The following COL14A1 variants were observed in gnomAD, a reference collection of about 807,000 sequenced individuals.
COL14A1 encodes collagen alpha-1(XIV) chain.
A neutral mutation model predicts 230.3 loss-of-function variants in COL14A1; 136 were observed. The observed-to-expected ratio is 0.59, with a 90% CI of 0.51 to 0.68. COL14A1 has a LOEUF of 0.68. Among genes scored for constraint, COL14A1 ranks in the 30% least tolerant of loss-of-function variants. COL14A1 has a pLI of 0.00. For synonymous variants in COL14A1, 792 were observed against 784.1 expected (o/e 1.01, Z -0.17); for missense variants, 1,976 against 2,215.8 (o/e 0.89, Z 2.17).
intron 26 of COL14A1, among the ~76,000 whole-genome samples, chr8:120,275,322 C>T (rs1353391806): frequency 1.3e-5 from 2 of 151,874 alleles, no homozygotes; most frequent in Admixed American, 6.6e-5. Context: ...CTACCTCTCA[C>T]CTTATACAAA....
At chr8:120,253,999 GT>G (rs1290688093) in intron 22 of COL14A1, among the ~76,000 whole-genome samples, 1 of 152,186 alleles carries the variant, frequency 6.6e-6, no homozygotes. Flanking sequence ...AAGAGAGATT[GT>G]TTAATTGGCT....
intron 25 of COL14A1, among the ~76,000 whole-genome samples, chr8:120,269,003 C>G (rs1043848822): frequency 4.6e-5 from 7 of 151,668 alleles, no homozygotes; most frequent in Non-Finnish European, 1.0e-4. Context: ...ATCCTTACTG[C>G]CCCTAAAGTA....
At chr8:120,367,629 A>T (rs1263712062) in intron 46 of COL14A1, among the ~76,000 whole-genome samples, 1 of 152,122 alleles carries the variant, frequency 6.6e-6, no homozygotes, top group Non-Finnish European at 1.5e-5. Flanking sequence ...GTAGCCTCCA[A>T]GAGAAAGAAA....
chr8:120,315,478 A>C, intron 38 of COL14A1, 55 bp from the exon 39 acceptor site: 2 of 1,429,832 alleles, frequency 1.4e-6, no homozygotes. Context: ...AAGGAAAAGA[A>C]AACGCTAAGA....
At chr8:120,194,342 T>C (rs1299334699) in intron 5 of COL14A1, among the ~76,000 whole-genome samples, 1 of 152,222 alleles carries the variant, frequency 6.6e-6, no homozygotes, top group East Asian at 1.9e-4. Flanking sequence ...TATTTCCCTC[T>C]TCTTTTAATT....
intron 31 of COL14A1, among the ~76,000 whole-genome samples, chr8:120,282,971 A>T (rs1402125347): frequency 6.6e-6 from 1 of 152,016 alleles, no homozygotes; most frequent in Non-Finnish European, 1.5e-5. Context: ...TCTGTCTCCC[A>T]TTGGGTTCAG....
intron 1 of COL14A1, among the ~76,000 whole-genome samples, chr8:120,145,440 G>C (rs771361320): frequency 6.6e-6 from 1 of 152,160 alleles, no homozygotes; most frequent in African/African-American, 2.4e-5. Context: ...GCAACATGAT[G>C]AAATCCCGTC....
At chr8:120,256,853 A>G (rs953041674) in intron 23 of COL14A1, among the ~76,000 whole-genome samples, 1 of 152,180 alleles carries the variant, frequency 6.6e-6, no homozygotes, top group African/African-American at 2.4e-5. Flanking sequence ...GTTCTTTTAT[A>G]TGATTTATCC....
intron 19 of COL14A1, among the ~76,000 whole-genome samples, chr8:120,236,950 C>A (rs577443717): frequency 6.6e-6 from 1 of 152,208 alleles, no homozygotes; most frequent in African/African-American, 2.4e-5. Flanking sequence ...TTGGCCCCCA[C>A]GCTCTTCTGG....
rs980456357 is a variant in COL14A1, at chr8:120,372,297, C to A, written c.*1066C>A. On this transcript the variant is annotated 3_prime_UTR_variant, in exon 48 of 48. Transcript: ENST00000297848. ...CAGCAAAGACCCTGCAAATGCATGA[C>A]CTCTGCTAAATAAATGTTTATCAAT... 2.0e-5 allele frequency among the ~76,000 whole-genome samples: 3 copies of A among 152,144 alleles called. No individual in the cohort carries two copies. The highest frequency in any genetic ancestry group is 7.2e-5 in the African/African-American group (3 of 41,418).
At chr8:120,286,030 T>A in intron 33 of COL14A1, 60 bp downstream of exon 33, 1 of 986,826 alleles carries the variant, frequency 1.0e-6, no homozygotes, top group Non-Finnish European at 1.6e-6. Flanking sequence ...CAAAGCCATT[T>A]AAAAACAATT....
intron 45 of COL14A1, among the ~76,000 whole-genome samples, chr8:120,356,181 A>T (rs1374998500): frequency 1.3e-5 from 2 of 152,260 alleles, no homozygotes; most frequent in African/African-American, 4.8e-5. Context: ...CTTTGAGAAG[A>T]ACGGGTGCCA....
At chr8:120,305,978 A>C (rs1820848166) in intron 36 of COL14A1, among the ~76,000 whole-genome samples, 1 of 152,138 alleles carries the variant, frequency 6.6e-6, no homozygotes, top group Non-Finnish European at 1.5e-5. Context: ...ATGTGCTCTT[A>C]CTACCCAGTA....
At chr8:120,268,388 A>G (rs1563706940) in intron 25 of COL14A1, among the ~76,000 whole-genome samples, 1 of 151,654 alleles carries the variant, frequency 6.6e-6, no homozygotes, top group African/African-American at 2.4e-5. Flanking sequence ...GATATTACAG[A>G]ATGCTCTGTA....
intron 13 of COL14A1, 105 bp downstream of exon 13, chr8:120,212,682 A>G: frequency 1.6e-6 from 2 of 1,227,052 alleles, no homozygotes; most frequent in Non-Finnish European, 2.3e-6. Flanking sequence ...TTAAAAGCTA[A>G]TTATAATTTT....
At chr8:120,279,564 A>C (rs1819973340) in intron 28 of COL14A1, among the ~76,000 whole-genome samples, 2 of 152,034 alleles carry the variant, frequency 1.3e-5, no homozygotes, top group Admixed American at 1.3e-4. Context: ...AAAAAAAAAA[A>C]AAAACTGAGA....
At chr8:120,306,229 G>C (rs749011697) in intron 36 of COL14A1, among the ~76,000 whole-genome samples, 2 of 151,982 alleles carry the variant, frequency 1.3e-5, no homozygotes, top group Non-Finnish European at 2.9e-5. Context: ...TAGCAGGAGG[G>C]TTTTCAAGTT....
At chr8:120,127,675 C>G (rs1814389500) in intron 1 of COL14A1, among the ~76,000 whole-genome samples, 1 of 152,216 alleles carries the variant, frequency 6.6e-6, no homozygotes, top group Non-Finnish European at 1.5e-5. Flanking sequence ...CCCTTTCAAT[C>G]TTAAATATTT....
chr8:120,289,957 GACATGTACATTC>G (rs1265928238), intron 34 of COL14A1, among the ~76,000 whole-genome samples, 191 bp downstream of exon 34: 1 of 152,128 alleles, frequency 6.6e-6, no homozygotes. Flanking sequence ...AATGAATTAA[GACATGTACATTC>G]AAAGCTTGTG....
Sources: allele counts gnomAD v4.1 joint callset (sites outside exome capture counted in the v4.1 genomes callset), GRCh38; gene constraint gnomAD v4.1.1; transcripts MANE v1.5; gene names NCBI Gene and HGNC (gene_info 2026-07-23, HGNC 2026-07-21).